The following MAML3 variants were observed in gnomAD, a reference collection of about 807,000 sequenced individuals.
MAML3 encodes the protein mastermind-like protein 3.
Under a neutral mutation model 101.9 loss-of-function variants are expected in MAML3, and 27 were observed. That is an observed-to-expected ratio of 0.27 (90% CI 0.20 to 0.37). The LOEUF is 0.37. Among genes scored for constraint, MAML3 ranks in the 10% least tolerant of loss-of-function variants. The pLI is 1.00. For missense variants in MAML3, 1,316 were observed against 1,444.9 expected (o/e 0.91, Z 1.45); for synonymous variants, 501 against 555.9 (o/e 0.90, Z 1.39).
chr4:139,973,148 CCTT>C (rs1370356269), intron 1 of MAML3, among the ~76,000 whole-genome samples: 1 of 152,156 alleles, frequency 6.6e-6, no homozygotes, highest in Non-Finnish European at 1.5e-5. Flanking sequence ...GGTGTTTCAT[CCTT>C]CTTCTTAGCA....
chr4:139,924,958 G>A (rs994285737), intron 1 of MAML3, among the ~76,000 whole-genome samples: 8 of 151,096 alleles, frequency 5.3e-5, no homozygotes, highest in African/African-American at 1.7e-4. Context: ...ATTAACAACG[G>A]AAGGAACTCC....
At chr4:139,887,422 A>T (rs889699608) in intron 2 of MAML3, among the ~76,000 whole-genome samples, 3 of 152,246 alleles carry the variant, frequency 2.0e-5, no homozygotes, top group African/African-American at 7.2e-5. Context: ...AGGAGCACAC[A>T]GATTTAATCC....
chr4:139,795,969 C>CACAG (rs1730504963), intron 2 of MAML3, among the ~76,000 whole-genome samples: 2 of 152,206 alleles, frequency 1.3e-5, no homozygotes, highest in Admixed American at 1.3e-4. Flanking sequence ...TCTTCTTTAG[C>CACAG]ACAGGTATGT....
At chr4:139,876,762 G>A (rs1735010839) in intron 2 of MAML3, among the ~76,000 whole-genome samples, 1 of 152,246 alleles carries the variant, frequency 6.6e-6, no homozygotes, top group South Asian at 2.1e-4. Flanking sequence ...GGTACACAAG[G>A]GGTTGCCATC....
intron 1 of MAML3, among the ~76,000 whole-genome samples, chr4:140,100,048 C>T (rs1728229921): frequency 6.6e-6 from 1 of 152,058 alleles, no homozygotes; most frequent in Non-Finnish European, 1.5e-5. Context: ...ACCCCTGCCC[C>T]TTGAACGACC....
chr4:139,751,227 T>C (rs1729490535), intron 2 of MAML3, among the ~76,000 whole-genome samples: 1 of 152,238 alleles, frequency 6.6e-6, no homozygotes, highest in Non-Finnish European at 1.5e-5. Flanking sequence ...GAGACTACTA[T>C]GATACTTAAA....
At chr4:140,127,961 T>G (rs1044211277) in intron 1 of MAML3, 1 of 152,216 alleles carries the variant, frequency 6.6e-6, no homozygotes, top group Admixed American at 6.5e-5. Flanking sequence ...TGACCTATTG[T>G]GACATCAAAT....
chr4:139,747,546 T>C (rs1368000701), intron 2 of MAML3, among the ~76,000 whole-genome samples: 1 of 151,724 alleles, frequency 6.6e-6, no homozygotes, highest in Non-Finnish European at 1.5e-5. Flanking sequence ...ATACAAAAAT[T>C]AGCCGGCTGT....
intron 4 of MAML3, among the ~76,000 whole-genome samples, chr4:139,721,904 G>A (rs1728250088): frequency 6.6e-5 from 10 of 151,918 alleles, no homozygotes; most frequent in Admixed American, 6.6e-4. Flanking sequence ...AATTTTTATC[G>A]GCTGCATGGC....
chr4:139,910,857 G>A (rs932348020), intron 1 of MAML3, among the ~76,000 whole-genome samples: 1 of 152,080 alleles, frequency 6.6e-6, no homozygotes, highest in Admixed American at 6.6e-5. Context: ...TATAATACAG[G>A]CATACAGATA....
At chr4:140,050,956 G>T (rs1727258287) in intron 1 of MAML3, among the ~76,000 whole-genome samples, 2 of 152,164 alleles carry the variant, frequency 1.3e-5, no homozygotes, top group African/African-American at 4.8e-5. Context: ...TACAATCAAG[G>T]TATCTAGAAA....
intron 1 of MAML3, among the ~76,000 whole-genome samples, chr4:140,080,967 C>T (rs1359938281): frequency 1.3e-5 from 2 of 152,140 alleles, no homozygotes; most frequent in African/African-American, 4.8e-5. Flanking sequence ...CAAATATTTA[C>T]ACATCATTAA....
Position 140,109,262 on chromosome 4 carries a change from T to A in MAML3, c.468+43598A>T, listed in dbSNP as rs569687417. 3.3e-5 allele frequency among the ~76,000 whole-genome samples: 5 copies of A among 152,318 alleles called. No individual in the cohort carries two copies. The East Asian group carries it at 9.6e-4, about 29-fold the overall frequency. On this transcript the variant is annotated intron_variant, in intron 1 of 4. Transcript: ENST00000509479. ...TCCTCCTACATTCAAGTAGATGTAG[T>A]CCAGTATGCATAACAGACTACAACT...
At chr4:140,134,873 C>T (rs943637438) in intron 1 of MAML3, among the ~76,000 whole-genome samples, 6 of 152,236 alleles carry the variant, frequency 3.9e-5, no homozygotes, top group Non-Finnish European at 7.3e-5. Flanking sequence ...CACAATGGCA[C>T]GGGCTACAGC....
intron 1 of MAML3, among the ~76,000 whole-genome samples, chr4:140,052,680 A>G (rs1361929667): frequency 6.6e-6 from 1 of 151,816 alleles, no homozygotes; most frequent in Non-Finnish European, 1.5e-5. Context: ...GATTACAGGC[A>G]TACACCACCA....
intron 1 of MAML3, among the ~76,000 whole-genome samples, chr4:139,936,550 T>C (rs1430409067): frequency 6.6e-6 from 1 of 152,166 alleles, no homozygotes; most frequent in Non-Finnish European, 1.5e-5. Flanking sequence ...TGAGATATCT[T>C]CTTTTTTGTG....
intron 1 of MAML3, among the ~76,000 whole-genome samples, chr4:140,055,146 T>A (rs1254842691): frequency 2.0e-5 from 3 of 152,216 alleles, no homozygotes; most frequent in African/African-American, 7.2e-5. Context: ...CTTATTCTGA[T>A]GAACTCTATT....
At chr4:140,145,439 T>C (rs1729041819) in intron 1 of MAML3, among the ~76,000 whole-genome samples, 1 of 152,246 alleles carries the variant, frequency 6.6e-6, no homozygotes, top group African/African-American at 2.4e-5. Context: ...TACTTCAGCA[T>C]AAAGGTCATT....
intron 2 of MAML3, among the ~76,000 whole-genome samples, chr4:139,864,992 T>G (rs1468876974): frequency 7.2e-6 from 1 of 138,584 alleles, no homozygotes; most frequent in Non-Finnish European, 1.6e-5. Flanking sequence ...CCCTCTTAAA[T>G]CACTCAAACA....
Sources: allele counts gnomAD v4.1 joint callset (sites outside exome capture counted in the v4.1 genomes callset), GRCh38; gene constraint gnomAD v4.1.1; transcripts MANE v1.5; gene names NCBI Gene and HGNC (gene_info 2026-07-23, HGNC 2026-07-21).